The following THSD4 variants were observed in gnomAD, a reference collection of about 807,000 sequenced individuals.
THSD4 encodes the protein thrombospondin type-1 domain-containing protein 4.
Under a neutral mutation model 119.0 loss-of-function variants are expected in THSD4, and 69 were observed. The ratio of observed to expected loss-of-function variants is 0.58; its 90% CI spans 0.48 to 0.71. THSD4 has a LOEUF of 0.71. Among genes scored for constraint, THSD4 ranks in the 30% least tolerant of loss-of-function variants. THSD4 has a pLI of 0.00. For missense variants in THSD4, 1,393 were observed against 1,391.1 expected (o/e 1.00, Z -0.02); for synonymous variants, 524 against 540.4 (o/e 0.97, Z 0.42).
chr15:71,279,115 G>C (rs902758625), intron 6 of THSD4, among the ~76,000 whole-genome samples: 1 of 152,196 alleles, frequency 6.6e-6, no homozygotes, highest in Non-Finnish European at 1.5e-5. Context: ...CTGTGATCAC[G>C]TGGCCTGCCT....
chr15:71,195,579 G>T (rs1354392737), intron 3 of THSD4, among the ~76,000 whole-genome samples: 2 of 152,194 alleles, frequency 1.3e-5, no homozygotes, highest in African/African-American at 4.8e-5. Context: ...AGTTAAAAAG[G>T]CAGGTTGAGT....
intron 7 of THSD4, among the ~76,000 whole-genome samples, chr15:71,545,119 A>G (rs1452961711): frequency 1.3e-5 from 2 of 152,246 alleles, no homozygotes; most frequent in African/African-American, 2.4e-5. Context: ...AATGTACTTA[A>G]CGCCACTCAA....
At chr15:71,175,175 A>T (rs12050803) in intron 3 of THSD4, among the ~76,000 whole-genome samples, 1 of 40,438 alleles carries the variant, frequency 2.5e-5, no homozygotes, top group African/African-American at 6.0e-5. Context: ...GGCTTCAGAC[A>T]ATCAAATTAC....
rs754247111 is a variant in THSD4, at chr15:71,728,663, C to G, written c.1472C>G (p.Ser491Trp). 8.1e-6 allele frequency: 13 copies of G among 1,614,076 alleles called. No individual in the cohort carries two copies. The East Asian group carries it at 2.9e-4, about 36-fold the overall frequency. ...ACCTACAAGCGTCCAAATGAGATTT[C>G]GAGCACTGCCGGAGAGTCCTTTTTG... Reference protein sequence around the residue: ...MFTYKRPNEISSTAGESFLAE... With the variant: ...MFTYKRPNEIWSTAGESFLAE... The change falls in exon 9 of 18, where the codon TCG becomes TGG. Residue 491 changes from serine to tryptophan, a missense_variant. Physicochemically the swap from Ser to Trp is radical, Grantham distance 177 (BLOSUM62 -3). Coordinates refer to ENST00000261862, the MANE Select transcript of THSD4 (RefSeq NM_024817.3).
At chr15:71,742,638 G>T (rs1038337784) in intron 11 of THSD4, among the ~76,000 whole-genome samples, 5 of 152,208 alleles carry the variant, frequency 3.3e-5, no homozygotes, top group African/African-American at 1.2e-4. Flanking sequence ...CTGCTTGCTA[G>T]CAAATAGAGG....
At chr15:71,531,566 G>C (rs903711206) in intron 7 of THSD4, among the ~76,000 whole-genome samples, 6 of 152,188 alleles carry the variant, frequency 3.9e-5, no homozygotes, top group Admixed American at 6.5e-5. Flanking sequence ...TCCCTGCTTT[G>C]CTGCAGACTT....
In THSD4 at chr15:71,429,879, A is replaced by G. The variant is rs554746068; in HGVS notation, c.1152+18056A>G. 3.3e-5 allele frequency among the ~76,000 whole-genome samples: 5 copies of G among 152,332 alleles called. No homozygotes were observed. In the South Asian group the frequency reaches 8.3e-4, roughly 25 times the overall value. On this transcript the variant is annotated intron_variant, in intron 7 of 17. Transcript: ENST00000261862. ...AGATGGTATTGTAGATGGGCTCTCAAAATTAGACCTCTATCCATGACACAG... is the reference window on the plus strand; with the variant it reads ...AGATGGTATTGTAGATGGGCTCTCAGAATTAGACCTCTATCCATGACACAG...
In THSD4 at chr15:71,651,518, C is replaced by T. The variant is rs1235406439; in HGVS notation, c.1153-9012C>T. Among the ~76,000 whole-genome samples, 9 of 152,152 alleles carry T rather than the reference C, an allele frequency of 5.9e-5. No individual in the cohort carries two copies. The South Asian group carries it at 6.2e-4, about 11-fold the overall frequency. On this transcript the variant is annotated intron_variant, in intron 7 of 17. Coordinates refer to ENST00000261862, the MANE Select transcript of THSD4 (RefSeq NM_024817.3). ...CACTCACCCAGTCAGTCCTCTCAGC[C>T]GTCCCTGGAGATGGCCCAATGATAG...
rs1345979822 is a variant in THSD4, at chr15:71,519,027, C to T, written c.1152+107204C>T. 2.6e-5 allele frequency among the ~76,000 whole-genome samples: 4 copies of T among 152,248 alleles called. No individual in the cohort carries two copies. The South Asian group carries it at 6.2e-4, about 24-fold the overall frequency. ...TCAGATGTTGGCAATGCCATAAGAA[C>T]AATAGATGGAGTAAAGCAATAGTGA... On this transcript the variant is annotated intron_variant, in intron 7 of 17. Coordinates refer to ENST00000261862, the MANE Select transcript of THSD4 (RefSeq NM_024817.3).
At chr15:71,618,556 G>A (rs553359290) in intron 7 of THSD4, among the ~76,000 whole-genome samples, 1 of 152,292 alleles carries the variant, frequency 6.6e-6, no homozygotes, top group Admixed American at 6.5e-5. Flanking sequence ...TGGGGATGGT[G>A]CAACAAAAGG....
At chr15:71,694,344 T>C (rs180890677) in intron 8 of THSD4, among the ~76,000 whole-genome samples, 15 of 152,240 alleles carry the variant, frequency 9.9e-5, no homozygotes, top group African/African-American at 3.6e-4. Flanking sequence ...ATTTTTCACT[T>C]GCCTCTAAGA....
intron 8 of THSD4, among the ~76,000 whole-genome samples, chr15:71,662,412 T>C (rs2051328468): frequency 1.3e-5 from 2 of 152,234 alleles, no homozygotes; most frequent in Non-Finnish European, 2.9e-5. Flanking sequence ...TTCTTTTTAA[T>C]ACTGAAAAAT....
chr15:71,542,300 G>C (rs2048769745), intron 7 of THSD4, among the ~76,000 whole-genome samples: 1 of 152,146 alleles, frequency 6.6e-6, no homozygotes, highest in African/African-American at 2.4e-5. Context: ...ACATATGTTG[G>C]AATATTCTTT....
chr15:71,429,079 A>G (rs1249447350), intron 7 of THSD4, among the ~76,000 whole-genome samples: 1 of 152,188 alleles, frequency 6.6e-6, no homozygotes, highest in Non-Finnish European at 1.5e-5. Context: ...TGTAGGGGCC[A>G]AGCTTCCCAC....
At chr15:71,403,215 C>G (rs1238483353) in intron 6 of THSD4, among the ~76,000 whole-genome samples, 1 of 152,038 alleles carries the variant, frequency 6.6e-6, no homozygotes, top group African/African-American at 2.4e-5. Context: ...TTGTTTTACT[C>G]CTTTATTGTG....
intron 6 of THSD4, among the ~76,000 whole-genome samples, chr15:71,349,905 G>A (rs903012910): frequency 3.3e-5 from 5 of 152,120 alleles, no homozygotes; most frequent in South Asian, 2.1e-4. Context: ...GGTGGAGGGC[G>A]AAAGGGAAAG....
chr15:71,153,997 C>G (rs1016785442), intron 2 of THSD4, among the ~76,000 whole-genome samples: 3 of 152,192 alleles, frequency 2.0e-5, no homozygotes, highest in Admixed American at 1.3e-4. Context: ...TTTCCTCTGA[C>G]TCAGAGGAGC....
intron 6 of THSD4, among the ~76,000 whole-genome samples, chr15:71,281,943 T>C (rs2044657984): frequency 6.6e-6 from 1 of 152,142 alleles, no homozygotes; most frequent in South Asian, 2.1e-4. Context: ...AAACCCTGAC[T>C]CTGATGTTCA....
chr15:71,768,018 A>T (rs1015680541), intron 16 of THSD4, among the ~76,000 whole-genome samples: 8 of 152,222 alleles, frequency 5.3e-5, no homozygotes, highest in African/African-American at 1.9e-4. Context: ...CTGATAAGTC[A>T]TCATCATAGG....
Sources: allele counts gnomAD v4.1 joint callset (sites outside exome capture counted in the v4.1 genomes callset), GRCh38; gene constraint gnomAD v4.1.1; transcripts MANE v1.5; gene names NCBI Gene and HGNC (gene_info 2026-07-23, HGNC 2026-07-21).